CYP1A1: variants seen among roughly 807,000 people sequenced by gnomAD.
CYP1A1 encodes cytochrome P450 1A1.
CYP1A1 carries 43 observed loss-of-function variants against 33.6 expected under a neutral mutation model. The observed-to-expected ratio is 1.28, with a 90% confidence interval of 1.00 to 1.65. The LOEUF is 1.65. CYP1A1 is among the 40% of genes most tolerant of loss of function. CYP1A1 has a pLI of 0.00. For synonymous variants in CYP1A1, 280 were observed against 257.8 expected (o/e 1.09, Z -0.83); for missense variants, 637 against 653.7 (o/e 0.97, Z 0.28).
intron 2 of CYP1A1, 146 bp from the exon 3 acceptor site, chr15:74,721,863 C>A: frequency 2.9e-6 from 3 of 1,019,068 alleles, no homozygotes; most frequent in Non-Finnish European, 4.3e-6. Context: ...TCTGCCTCTG[C>A]AAGGCTCTCT....
rs777905948 is a variant in CYP1A1, at chr15:74,723,079, T to C, written c.19A>G (p.Met7Val). The C allele has an allele frequency of 6.3e-7, 1 of 1,590,548 alleles. No homozygotes were observed. Among genetic ancestry groups the C allele is most frequent in the Non-Finnish European group, 8.6e-7 (1 of 1,166,064 alleles). The part of the protein sequence containing the change: MLFPIS[M>V]SATEFLLASV... The stretch of plus-strand genomic sequence containing the variant: ...GCCAGAAGAAACTCCGTGGCCGACA[T>C]GGAGATTGGGAAAAGCATGATCAGT... The change falls in exon 2 of 7, where the codon ATG becomes GTG. Residue 7 changes from methionine (M) to valine (V), a missense_variant. By Grantham distance (21) the Met-to-Val change is conservative. Coordinates refer to ENST00000379727, the MANE Select transcript of CYP1A1 (RefSeq NM_001319217.2).
chr15:74,722,324 G>A lies in CYP1A1; in HGVS notation c.774C>T (p.Phe258=), dbSNP rs1567196524. 4.3e-6 allele frequency: 7 copies of A among 1,614,078 alleles called. No individual in the cohort carries two copies. The highest frequency in any genetic ancestry group is 5.1e-6 in the Non-Finnish European group (6 of 1,180,000). ...TGACCATCTTCTGCATGAAGCTGTAGAACTTCTCATTCAGGTCCTTGAAGG... is the reference window on the plus strand; with the variant it reads ...TGACCATCTTCTGCATGAAGCTGTAAAACTTCTCATTCAGGTCCTTGAAGG... ...LNAFKDLNEK[F]YSFMQKMVKE... The change falls in exon 2 of 7, where the codon TTC becomes TTT. Residue 258 remains phenylalanine, a synonymous_variant. Transcript: ENST00000379727.
chr15:74,723,260 G>A, intron 1 of CYP1A1, 134 bp from the exon 2 acceptor site: 1 of 569,314 alleles, frequency 1.8e-6, no homozygotes, highest in Non-Finnish European at 3.1e-6. Flanking sequence ...AGAGGGTGAG[G>A]TGGGGAGAAG....
At position 74,719,632 on chromosome 15, in the gene CYP1A1, A is replaced by C. The variant is rs1034900746; in HGVS notation, c.*857T>G. The C allele has an allele frequency of 1.3e-5, 2 of 152,166 alleles. No individual in the cohort carries two copies. Among genetic ancestry groups the C allele is most frequent in the African/African-American group, 4.8e-5 (2 of 41,426 alleles). The allele number at this position is 152,166 out of a possible 1,614,324, so 9.4% of individuals were successfully genotyped here. A position where few individuals can be genotyped will look rare whatever the true frequency, so the allele number is the denominator to read the frequency against. On this transcript the variant is annotated 3_prime_UTR_variant, in exon 7 of 7. Transcript: ENST00000379727. Reference sequence around the variant, plus strand: ...GGTTAGAATTTTCCCTATTACATTAAATCAATGGTTCTTAAGCTCTTATGC... The same window carrying C: ...GGTTAGAATTTTCCCTATTACATTACATCAATGGTTCTTAAGCTCTTATGC...
chr15:74,721,146 T>C (rs1195562763), intron 5 of CYP1A1, 53 bp downstream of exon 5: 2 of 1,608,278 alleles, frequency 1.2e-6, no homozygotes, highest in Non-Finnish European at 1.7e-6. Flanking sequence ...TAATCAGGTA[T>C]GTGGTCCGGA....
Position 74,721,042 on chromosome 15 carries a change from T to G in CYP1A1, c.1178A>C (p.Asp393Ala), listed in dbSNP as rs762064937. 6.2e-7 allele frequency: 1 copy of G among 1,614,122 alleles called. No individual in the cohort carries two copies. The highest frequency in any genetic ancestry group is 8.5e-7 in the Non-Finnish European group (1 of 1,180,014). The change falls in exon 6 of 7, where the codon GAC (aspartate) becomes GCC (alanine). Residue 393 changes from aspartate (D) to alanine (A), a missense_variant. Coordinates refer to ENST00000379727, the MANE Select transcript of CYP1A1 (RefSeq NM_001319217.2). Reference protein sequence around the residue: ...PFTIPHSTTRDTSLKGFYIPK... With the variant: ...PFTIPHSTTRATSLKGFYIPK... ...GATGTAAAAGCCTTTCAAACTTGTG[T>G]CTCTTGTTGTGCTAGGGAGAAAGGA...
Position 74,721,442 on chromosome 15 carries a change from C to T in CYP1A1, c.1014G>A (p.Arg338=). The T allele has an allele frequency of 2.5e-6, 4 of 1,614,134 alleles. No individual in the cohort carries two copies. The highest frequency in any genetic ancestry group is 3.4e-6 in the Non-Finnish European group (4 of 1,180,016). The stretch of plus-strand genomic sequence containing the variant: ...GCTCCTCTTGGATCTTTCTCTGTAC[C>T]CTGGGGTTCATCACCAAATACATGA... ...WSLMYLVMNP[R]VQRKIQEELD... Residue 338 remains arginine, a synonymous_variant, in exon 4 of 7, where the codon AGG becomes AGA. Transcript: ENST00000379727.
At chr15:74,722,115 T>A (rs1279787968) in intron 2 of CYP1A1, 158 bp downstream of exon 2, 1 of 644,676 alleles carries the variant, frequency 1.6e-6, no homozygotes. Flanking sequence ...TCTATTTCCC[T>A]GCCAAGGAAG....
At position 74,720,821 on chromosome 15, in the gene CYP1A1, G is replaced by A. The variant is rs202026327; in HGVS notation, c.1254-47C>T. The A allele has an allele frequency of 1.5e-5, 24 of 1,582,868 alleles. No homozygotes were observed. The East Asian group carries it at 4.9e-4, about 32-fold the overall frequency. On this transcript the variant is annotated intron_variant, in intron 6 of 6. Coordinates refer to ENST00000379727, the MANE Select transcript of CYP1A1 (RefSeq NM_001319217.2). ...TGAAGTGGCAGTTCAGGGCTCAGAA[G>A]TGTCAAGTGAGTGGAGCTCCAGCCC...
Position 74,722,767 on chromosome 15 carries a change from T to C in CYP1A1, c.331A>G (p.Thr111Ala), listed in dbSNP as rs778476792. The C allele has an allele frequency of 6.2e-7, 1 of 1,613,418 alleles. No homozygotes were observed. Among genetic ancestry groups the C allele is most frequent in the Non-Finnish European group, 8.5e-7 (1 of 1,179,912 alleles). Reference sequence around the variant, plus strand: ...TGACCATTACTGATGAGGGTGAAGGTGTAGAGGTCGGGCCGGCCCTTGAAA... The same window carrying C: ...TGACCATTACTGATGAGGGTGAAGGCGTAGAGGTCGGGCCGGCCCTTGAAA... ...DDFKGRPDLY[T>A]FTLISNGQSM... is the part of the protein sequence containing the mutation. Residue 111 changes from threonine (T) to alanine (A), a missense_variant, in exon 2 of 7, where the codon ACC (threonine) becomes GCC (alanine). Transcript: ENST00000379727.
chr15:74,722,819 C>T lies in CYP1A1; in HGVS notation c.279G>A (p.Arg93=), dbSNP rs1303768177. 2.7e-5 allele frequency: 43 copies of T among 1,613,876 alleles called. No individual in the cohort carries two copies. In the East Asian group the frequency reaches 9.4e-4, roughly 35 times the overall value. The change falls in exon 2 of 7, where the codon CGG becomes CGA. Residue 93 remains arginine, a synonymous_variant. Transcript: ENST00000379727. ...CATCGCCCTGCCGCACCAGGGCCTG[C>T]CGGATGGTGTCCAGGCCGCTCAGCA... The part of the protein sequence containing the change: ...VVVLSGLDTI[R]QALVRQGDDF...
chr15:74,721,745 C>A (rs2063172462), intron 2 of CYP1A1, 28 bp from the exon 3 acceptor site: 2 of 1,610,082 alleles, frequency 1.2e-6, no homozygotes, highest in South Asian at 1.1e-5. Flanking sequence ...CACAGGTGAG[C>A]AAGATCTCAA....
rs2063173537 is a variant in CYP1A1 at position 74,721,913 on chromosome 15, C to A, written c.826-196G>T. On this transcript the variant is annotated intron_variant, in intron 2 of 6. Transcript: ENST00000379727. Reference sequence around the variant, plus strand: ...ATGCTGCTAGCCCCAACTCATGGGACATTTGACACACAGCGTCTTGTACTG... The same window carrying A: ...ATGCTGCTAGCCCCAACTCATGGGAAATTTGACACACAGCGTCTTGTACTG... 13 of 646,338 alleles carry A rather than the reference C, an allele frequency of 2.0e-5. No individual in the cohort carries two copies. The South Asian group carries it at 2.5e-4, about 13-fold the overall frequency. 40.0% of individuals were successfully genotyped at this position (646,338 alleles called of 1,614,324 possible). A position where few individuals can be genotyped will look rare whatever the true frequency, so the allele number is the denominator to read the frequency against.
chr15:74,720,376 G>A lies in CYP1A1; in HGVS notation c.*113C>T, dbSNP rs2063157444. ...AGCCCAGATAGCAAAACTGCAGCCA[G>A]ATCAGTGTCTATGAGTTTCAGGCTG... On this transcript the variant is annotated 3_prime_UTR_variant, in exon 7 of 7. Coordinates refer to ENST00000379727, the MANE Select transcript of CYP1A1 (RefSeq NM_001319217.2). 9 of 1,249,246 alleles carry A rather than the reference G, an allele frequency of 7.2e-6. No homozygotes were observed. The East Asian group carries it at 2.0e-4, about 27-fold the overall frequency. 77.4% of individuals were successfully genotyped at this position (1,249,246 alleles called of 1,614,324 possible).
Position 74,719,766 on chromosome 15 carries a change from T to C in CYP1A1, c.*723A>G, listed in dbSNP as rs1045022001. ...GAGAAGGGAGACCAATAGAAGGTAA[T>C]TGAAATACCCCCCCCTCACTCCAGC... On this transcript the variant is annotated 3_prime_UTR_variant, in exon 7 of 7. Coordinates refer to ENST00000379727, the MANE Select transcript of CYP1A1 (RefSeq NM_001319217.2). The C allele has an allele frequency of 1.3e-5, 2 of 151,926 alleles. No individual in the cohort carries two copies. Among genetic ancestry groups the C allele is most frequent in the African/African-American group, 4.8e-5 (2 of 41,332 alleles). The allele number at this position is 151,926 out of a possible 1,614,324, so 9.4% of individuals were successfully genotyped here.
Position 74,720,526 on chromosome 15 carries a change from G to A in CYP1A1, c.1502C>T (p.Ala501Val), listed in dbSNP as rs766755387. ...TPIYGLTMKHACCEHFQMQLR... is the reference protein window; with the variant it reads ...TPIYGLTMKHVCCEHFQMQLR... ...CTGCATTTGGAAGTGCTCACAGCAG[G>A]CATGCTTCATGGTTAGCCCATAGAT... The change falls in exon 7 of 7, where the codon GCC (alanine) becomes GTC (valine). Residue 501 changes from alanine to valine, a missense_variant. Coordinates refer to ENST00000379727, the MANE Select transcript of CYP1A1 (RefSeq NM_001319217.2). 7 of 1,596,376 alleles carry A rather than the reference G, an allele frequency of 4.4e-6. No homozygotes were observed. The highest frequency in any genetic ancestry group is 6.0e-6 in the Non-Finnish European group (7 of 1,171,294).
At position 74,722,714 on chromosome 15, in the gene CYP1A1, T is replaced by C. The variant is rs149540202; in HGVS notation, c.384A>G (p.Gly128=). ...GGCGCCGGCGGGCAGCCCACACTGG[T>C]CCAGAGTCTGGGCTGAAGGACATGC... ...GQSMSFSPDS[G]PVWAARRRLA... is the part of the protein sequence containing the mutation. Residue 128 remains glycine (G), a synonymous_variant, in exon 2 of 7, where the codon GGA becomes GGG. Transcript: ENST00000379727. 86 of 1,613,152 alleles carry C rather than the reference T, an allele frequency of 5.3e-5. No homozygotes were observed. Among genetic ancestry groups the C allele is most frequent in the Non-Finnish European group, 6.4e-5 (75 of 1,180,012 alleles).
chr15:74,723,696 C>A (rs1318412140), intron 1 of CYP1A1, among the ~76,000 whole-genome samples: 3 of 152,192 alleles, frequency 2.0e-5, no homozygotes, highest in Non-Finnish European at 4.4e-5. Flanking sequence ...AAATCATGTT[C>A]TCAGGGGAAT....
At position 74,720,691 on chromosome 15, in the gene CYP1A1, T is replaced by A; in HGVS notation, c.1337A>T (p.Lys446Met). 6.2e-7 allele frequency: 1 copy of A among 1,614,182 alleles called. No homozygotes were observed. The highest frequency in any genetic ancestry group is 8.5e-7 in the Non-Finnish European group (1 of 1,180,026). Residue 446 changes from lysine (K) to methionine (M), a missense_variant, in exon 7 of 7, where the codon AAG becomes ATG. Coordinates refer to ENST00000379727, the MANE Select transcript of CYP1A1 (RefSeq NM_001319217.2). ...DGAIDKVLSE[K>M]VIIFGMGKRK... Reference sequence around the variant, plus strand: ...CTTGCCCATGCCAAAGATAATCACCTTCTCACTTAACACCTTGTCGATAGC... The same window carrying A: ...CTTGCCCATGCCAAAGATAATCACCATCTCACTTAACACCTTGTCGATAGC...
Sources: allele counts gnomAD v4.1 joint callset (sites outside exome capture counted in the v4.1 genomes callset), GRCh38; gene constraint gnomAD v4.1.1; transcripts MANE v1.5; gene names NCBI Gene and HGNC (gene_info 2026-07-23, HGNC 2026-07-21).